Variants in SCP2 observed in about 807,000 individuals in gnomAD.
SCP2 encodes the protein SCP-2/3-oxoacyl-CoA thiolase.
SCP2 carries 48 observed loss-of-function variants against 71.4 expected under a neutral mutation model. That is an observed-to-expected ratio of 0.67 (90% CI 0.53 to 0.86). SCP2 has a LOEUF of 0.86. SCP2 is among the 40% of genes least tolerant of loss of function. The pLI is 0.00. For missense variants in SCP2, 560 were observed against 655.6 expected (o/e 0.85, Z 1.59); for synonymous variants, 220 against 218.1 (o/e 1.01, Z -0.08).
intron 1 of SCP2, among the ~76,000 whole-genome samples, chr1:52,934,439 A>G (rs986683321): frequency 1.3e-5 from 2 of 151,920 alleles, no homozygotes; most frequent in Non-Finnish European, 1.5e-5. Flanking sequence ...AAAAAAACCA[A>G]TGGATGATGT....
intron 1 of SCP2, among the ~76,000 whole-genome samples, chr1:52,940,662 CAA>C (rs982429834): frequency 6.6e-6 from 1 of 152,210 alleles, no homozygotes; most frequent in African/African-American, 2.4e-5. Flanking sequence ...ATGCTTAACA[CAA>C]TGCATACCAC....
chr1:52,951,779 C>T (rs1416670413), intron 4 of SCP2, among the ~76,000 whole-genome samples: 1 of 151,230 alleles, frequency 6.6e-6, no homozygotes, highest in Non-Finnish European at 1.5e-5. Flanking sequence ...TGCCGTTGTG[C>T]CATCTCAGCT....
At chr1:53,019,112 A>G (rs759208474) in intron 12 of SCP2, among the ~76,000 whole-genome samples, 25 of 152,192 alleles carry the variant, frequency 1.6e-4, no homozygotes, top group Non-Finnish European at 3.4e-4. Flanking sequence ...GGTGCATCAT[A>G]TCTGGAGGTG....
chr1:52,965,109 A>C (rs192545990), intron 6 of SCP2, among the ~76,000 whole-genome samples: 15 of 152,338 alleles, frequency 9.8e-5, no homozygotes, highest in Non-Finnish European at 2.9e-5. Context: ...CAGTGATAAA[A>C]ATTGGGAAGT....
At chr1:52,994,920 G>C (rs559765265) in intron 11 of SCP2, 24 of 521,722 alleles carry the variant, frequency 4.6e-5, no homozygotes, top group African/African-American at 2.9e-4. Context: ...GTGCTAACCT[G>C]GTGGATCTAG....
chr1:52,978,975 T>C (rs1019454146), intron 9 of SCP2, among the ~76,000 whole-genome samples: 1 of 152,196 alleles, frequency 6.6e-6, no homozygotes, highest in Non-Finnish European at 1.5e-5. Flanking sequence ...CTAGAGTTAG[T>C]TGAATATTTG....
intron 12 of SCP2, among the ~76,000 whole-genome samples, chr1:53,019,407 G>A (rs1205342480): frequency 6.6e-6 from 1 of 152,090 alleles, no homozygotes; most frequent in Admixed American, 6.6e-5. Flanking sequence ...TAGTAAAGTG[G>A]TATCAATTAT....
intron 4 of SCP2, 60 bp downstream of exon 4, chr1:52,950,946 G>T: frequency 1.3e-6 from 2 of 1,500,672 alleles, no homozygotes; most frequent in South Asian, 2.3e-5. Flanking sequence ...TTAATCACAC[G>T]ACCATCAGAG....
intron 14 of SCP2, among the ~76,000 whole-genome samples, chr1:53,047,381 C>T (rs1018829406): frequency 2.6e-5 from 4 of 152,204 alleles, no homozygotes; most frequent in African/African-American, 9.7e-5. Context: ...AGGGGATGTA[C>T]ACCAGGAGGG....
chr1:53,004,970 G>T (rs1660539378), intron 11 of SCP2, among the ~76,000 whole-genome samples: 1 of 152,218 alleles, frequency 6.6e-6, no homozygotes, highest in African/African-American at 2.4e-5. Flanking sequence ...CACACCAGGA[G>T]ATTATATCCC....
intron 4 of SCP2, among the ~76,000 whole-genome samples, chr1:52,952,206 T>C (rs1346973749): frequency 6.6e-6 from 1 of 152,198 alleles, no homozygotes; most frequent in African/African-American, 2.4e-5. Flanking sequence ...TGAATATTTA[T>C]ATAAATAGAA....
intron 2 of SCP2, among the ~76,000 whole-genome samples, chr1:52,945,247 G>A (rs1039104008): frequency 6.6e-6 from 1 of 152,024 alleles, no homozygotes; most frequent in Non-Finnish European, 1.5e-5. Context: ...GGAGTGCAGT[G>A]GCTATTCACA....
intron 4 of SCP2, among the ~76,000 whole-genome samples, chr1:52,951,721 ACT>A (rs1655333220): frequency 1.3e-5 from 2 of 151,434 alleles, no homozygotes; most frequent in South Asian, 4.2e-4. Context: ...TAATATTAGA[ACT>A]TTTTTTTTTT....
intron 11 of SCP2, among the ~76,000 whole-genome samples, chr1:53,013,935 G>A (rs1661155210): frequency 1.7e-5 from 2 of 118,662 alleles, no homozygotes; most frequent in Non-Finnish European, 3.3e-5. Context: ...TTGCTCTGTC[G>A]CCCAGGCTGG....
At chr1:53,035,761 T>C (rs11808636) in intron 13 of SCP2, among the ~76,000 whole-genome samples, 17,724 of 152,096 alleles carry the variant, frequency 0.12, 1,893 homozygotes, top group African/African-American at 0.29. Context: ...TTGAGTACTC[T>C]GTGTGTTGTG....
chr1:53,019,740 C>T (rs866352730), intron 12 of SCP2, among the ~76,000 whole-genome samples: 13 of 152,102 alleles, frequency 8.5e-5, no homozygotes, highest in South Asian at 2.1e-4. Context: ...AAGGAATGCA[C>T]GCAATAATCT....
At chr1:53,005,021 T>C (rs12563212) in intron 11 of SCP2, among the ~76,000 whole-genome samples, 21,566 of 152,154 alleles carry the variant, frequency 0.14, 2,232 homozygotes, top group East Asian at 0.32. Context: ...GAGCCTCGCT[T>C]GCTGCTAGCA....
intron 14 of SCP2, among the ~76,000 whole-genome samples, chr1:53,043,043 G>A (rs1490786504): frequency 6.6e-6 from 1 of 152,058 alleles, no homozygotes; most frequent in Non-Finnish European, 1.5e-5. Context: ...AGCACCTTGA[G>A]TTCTCAACTC....
chr1:52,962,301 A>T (rs572980944), intron 6 of SCP2, among the ~76,000 whole-genome samples: 2 of 152,074 alleles, frequency 1.3e-5, no homozygotes, highest in African/African-American at 4.8e-5. Context: ...CCTTTTCTCT[A>T]TATTCTCAGT....
Sources: gnomAD v4.1 joint callset for allele counts (sites outside exome capture counted in the v4.1 genomes callset) on GRCh38, gnomAD v4.1.1 for gene constraint, MANE v1.5 for transcripts, NCBI Gene and HGNC (gene_info 2026-07-23, HGNC 2026-07-21) for gene names.